Variants in ANKRD10 observed in about 807,000 individuals in gnomAD.
ANKRD10 encodes ankyrin repeat domain-containing protein 10.
Under a neutral mutation model 27.0 loss-of-function variants are expected in ANKRD10, and 14 were observed. The ratio of observed to expected loss-of-function variants is 0.52; its 90% confidence interval spans 0.34 to 0.81. ANKRD10 has a LOEUF of 0.81. ANKRD10 is among the 40% of genes least tolerant of loss of function. The pLI, the probability that ANKRD10 is intolerant of heterozygous loss-of-function variation, is 0.01. For missense variants in ANKRD10, 493 were observed against 544.0 expected (o/e 0.91, Z 0.93); for synonymous variants, 250 against 224.5 (o/e 1.11, Z -1.01).
chr13:110,897,183 G>A (rs945418574), intron 3 of ANKRD10, among the ~76,000 whole-genome samples: 1 of 151,894 alleles, frequency 6.6e-6, no homozygotes, highest in African/African-American at 2.4e-5. Context: ...CTGGAGTGCA[G>A]TGGCACAATC....
chr13:110,912,419 G>A (rs1353479425), intron 1 of ANKRD10, among the ~76,000 whole-genome samples: 1 of 152,184 alleles, frequency 6.6e-6, no homozygotes, highest in Admixed American at 6.5e-5. Context: ...TCTATTTATT[G>A]CCTTTATTAA....
At chr13:110,900,205 C>T (rs547881880) in intron 3 of ANKRD10, among the ~76,000 whole-genome samples, 1 of 152,274 alleles carries the variant, frequency 6.6e-6, no homozygotes, top group East Asian at 1.9e-4. Context: ...AATTCCAGAA[C>T]AAAGGAGAAG....
chr13:110,906,035 G>T lies in ANKRD10; in HGVS notation c.453C>A (p.Val151=). 1 of 1,593,092 alleles carries T rather than the reference G, an allele frequency of 6.3e-7. No homozygotes were observed. Among genetic ancestry groups the T allele is most frequent in the South Asian group, 1.1e-5 (1 of 87,864 alleles). Residue 151 remains valine, a splice_region_variant and synonymous_variant, in exon 3 of 6, where the codon GTC becomes GTA. Coordinates refer to ENST00000267339, the MANE Select transcript of ANKRD10 (RefSeq NM_017664.4). ...AAGAATAAACGAAAGACACTTACTC[G>T]ACGTGAGCCCCATTCGCCACAAGGG... is the stretch of plus-strand genomic sequence containing the variant. The part of the protein sequence containing the change: ...ISALVANGAH[V]DLRNASGLTA...
At chr13:110,914,019 T>C (rs2138908638) in intron 1 of ANKRD10, among the ~76,000 whole-genome samples, 1 of 152,328 alleles carries the variant, frequency 6.6e-6, no homozygotes, top group East Asian at 1.9e-4. Flanking sequence ...TTTAACCACT[T>C]CTGCAGTAAT....
chr13:110,912,937 A>C (rs1476310653), intron 1 of ANKRD10, among the ~76,000 whole-genome samples: 1 of 152,242 alleles, frequency 6.6e-6, no homozygotes, highest in African/African-American at 2.4e-5. Context: ...AGACAGCTGG[A>C]AACAATGAAG....
intron 3 of ANKRD10, among the ~76,000 whole-genome samples, chr13:110,898,370 A>C (rs2065284776): frequency 1.3e-5 from 2 of 152,234 alleles, no homozygotes; most frequent in Admixed American, 6.5e-5. Context: ...CAGGTCTTTA[A>C]ATTCTATTTT....
chr13:110,897,137 T>C (rs1221454330), intron 3 of ANKRD10, among the ~76,000 whole-genome samples: 1 of 151,996 alleles, frequency 6.6e-6, no homozygotes, highest in African/African-American at 2.4e-5. Context: ...TAACCACTGT[T>C]TTTTAAAGAG....
At chr13:110,887,323 G>A (rs2064958199) in intron 4 of ANKRD10, among the ~76,000 whole-genome samples, 1 of 152,138 alleles carries the variant, frequency 6.6e-6, no homozygotes, top group African/African-American at 2.4e-5. Flanking sequence ...TTTCAAGTCC[G>A]GGAAGGTCTG....
At chr13:110,897,663 A>G (rs149973967) in intron 3 of ANKRD10, among the ~76,000 whole-genome samples, 1 of 152,306 alleles carries the variant, frequency 6.6e-6, no homozygotes, top group African/African-American at 2.4e-5. Flanking sequence ...TGGAACGAGC[A>G]TGGCAGGTGC....
chr13:110,893,914 C>T (rs2065149793), intron 3 of ANKRD10, among the ~76,000 whole-genome samples: 1 of 152,098 alleles, frequency 6.6e-6, no homozygotes, highest in Admixed American at 6.6e-5. Context: ...GTAGTTGGTT[C>T]CTTTAAAAAG....
At chr13:110,889,968 T>C (rs9521980) in intron 4 of ANKRD10, among the ~76,000 whole-genome samples, 40,631 of 151,890 alleles carry the variant, frequency 0.27, 6,739 homozygotes, top group Non-Finnish European at 0.38. Context: ...AAACCCAGCT[T>C]AAACTCTTCT....
At chr13:110,913,376 TTTTG>T (rs1233294877) in intron 1 of ANKRD10, among the ~76,000 whole-genome samples, 11 of 152,192 alleles carry the variant, frequency 7.2e-5, no homozygotes, top group African/African-American at 1.7e-4. Context: ...GCTTTATTAC[TTTTG>T]TTTGTTAAGA....
chr13:110,897,042 T>G (rs2065244320), intron 3 of ANKRD10, among the ~76,000 whole-genome samples: 1 of 152,144 alleles, frequency 6.6e-6, no homozygotes, highest in African/African-American at 2.4e-5. Context: ...CCATTTGTAC[T>G]GAATTAGCCA....
Position 110,879,468 on chromosome 13 carries a change from A to G in ANKRD10, c.*169T>C, listed in dbSNP as rs538435259. On this transcript the variant is annotated 3_prime_UTR_variant, in exon 6 of 6. Transcript: ENST00000267339. ...TCTATGCACTTAGTAAGCCCTACTC[A>G]TGCACAAACAAGCAGTTGCTGGGAA... 15 of 614,736 alleles carry G rather than the reference A, an allele frequency of 2.4e-5. No homozygotes were observed. In the East Asian group the frequency reaches 2.5e-4, roughly 10 times the overall value. 38.1% of individuals were successfully genotyped at this position (614,736 alleles called of 1,614,324 possible). A position where few individuals can be genotyped will look rare whatever the true frequency, so the allele number is the denominator to read the frequency against.
At chr13:110,887,099 C>G (rs183248038) in intron 4 of ANKRD10, among the ~76,000 whole-genome samples, 1 of 152,188 alleles carries the variant, frequency 6.6e-6, no homozygotes, top group African/African-American at 2.4e-5. Context: ...CAGTAGAGCA[C>G]GCCTCTGGCT....
In ANKRD10 at chr13:110,891,274, T is replaced by C. The variant is rs148496715; in HGVS notation, c.691+1754A>G. On this transcript the variant is annotated intron_variant, in intron 4 of 5. Coordinates refer to ENST00000267339, the MANE Select transcript of ANKRD10 (RefSeq NM_017664.4). ...TTAAAGGAAATGACAAAGGATTTTT[T>C]TAAAAAGTGGATGCTCTTAAAAAGG... is the stretch of plus-strand genomic sequence containing the variant. Among the ~76,000 whole-genome samples, 355 of 152,324 alleles carry C rather than the reference T, an allele frequency of 2.3e-3. 1 individual carries two copies. The highest frequency in any genetic ancestry group is 7.9e-3 in the African/African-American group (327 of 41,572).
chr13:110,893,478 T>A (rs1376650655), intron 3 of ANKRD10, among the ~76,000 whole-genome samples: 1 of 152,248 alleles, frequency 6.6e-6, no homozygotes, highest in African/African-American at 2.4e-5. Context: ...AAACTAAATA[T>A]GCTAAACTTC....
rs753530921 is a variant in ANKRD10 at position 110,910,644 on chromosome 13, G to C, written c.337C>G (p.Gln113Glu). The C allele has an allele frequency of 9.9e-6, 16 of 1,614,012 alleles. No individual in the cohort carries two copies. The highest frequency in any genetic ancestry group is 1.6e-4 in the Middle Eastern group (1 of 6,084). ...GHPQCLVWLI[Q>E]AGANINKPDC... ...GGTTTGTTAATGTTGGCTCCTGCTT[G>C]AATCAGCCAGACCAGGCACTGAGGA... The change falls in exon 2 of 6, where the codon CAA becomes GAA. Residue 113 changes from glutamine (Q) to glutamate (E), a missense_variant. Physicochemically the swap from Gln to Glu is conservative, Grantham distance 29. Coordinates refer to ENST00000267339, the MANE Select transcript of ANKRD10 (RefSeq NM_017664.4).
chr13:110,891,759 A>C (rs1166596300), intron 4 of ANKRD10, among the ~76,000 whole-genome samples: 1 of 152,034 alleles, frequency 6.6e-6, no homozygotes, highest in African/African-American at 2.4e-5. Context: ...CTTTGTGCTT[A>C]TACTCAGCAA....
Sources: gnomAD v4.1 joint callset for allele counts (sites outside exome capture counted in the v4.1 genomes callset) on GRCh38, gnomAD v4.1.1 for gene constraint, MANE v1.5 for transcripts, NCBI Gene and HGNC (gene_info 2026-07-23, HGNC 2026-07-21) for gene names.